UBFD1: variants seen among roughly 807,000 people sequenced by gnomAD.
UBFD1 encodes the protein ubiquitin family domain containing 1, also known as ubiquitin domain-containing protein UBFD1.
A neutral mutation model predicts 35.1 loss-of-function variants in UBFD1; 12 were observed. The ratio of observed to expected loss-of-function variants is 0.34; its 90% CI spans 0.22 to 0.55. UBFD1 has a LOEUF of 0.55. Ranked by LOEUF, UBFD1 falls within the 20% of genes least tolerant of loss-of-function variation. UBFD1 has a pLI of 0.89. For missense variants in UBFD1, 337 were observed against 410.8 expected, an observed-to-expected ratio of 0.82 and a Z score of 1.55; for synonymous variants, 178 against 167.6, an observed-to-expected ratio of 1.06 and a Z score of -0.48.
rs1031727976 is a variant in UBFD1, at chr16:23,557,775, C to T, written c.25+8C>T. On this transcript the variant is annotated splice_region_variant and intron_variant, in intron 1 of 6. Coordinates refer to ENST00000395878, the MANE Select transcript of UBFD1 (RefSeq NM_019116.3). ...CGGCCGGGGCCCCGGATGGTGAGTG[C>T]GGCGGGGGTGGCGGGCGCCGGGCCG... The T allele has an allele frequency of 3.1e-6, 4 of 1,282,426 alleles. No homozygotes were observed. Among genetic ancestry groups the T allele is most frequent in the South Asian group, 3.2e-5 (1 of 31,004 alleles). 79.4% of individuals were successfully genotyped at this position (1,282,426 alleles called of 1,614,324 possible).
At position 23,571,977 on chromosome 16, in the gene UBFD1, T is replaced by C. The variant is rs1270400227; in HGVS notation, c.*1387T>C. The C allele has an allele frequency of 6.5e-6, 1 of 152,674 alleles. No homozygotes were observed. Among genetic ancestry groups the C allele is most frequent in the Non-Finnish European group, 1.5e-5 (1 of 68,048 alleles). 9.5% of individuals were successfully genotyped at this position (152,674 alleles called of 1,614,324 possible). On this transcript the variant is annotated 3_prime_UTR_variant, in exon 7 of 7. Transcript: ENST00000395878. Reference sequence around the variant, plus strand: ...TCCTCTCACTGGTTGCAGGCTTTCATAGTAAGGTTTGGCGAGAAATGTTCC... The same window carrying C: ...TCCTCTCACTGGTTGCAGGCTTTCACAGTAAGGTTTGGCGAGAAATGTTCC...
chr16:23,560,709 T>C (rs1307688290), intron 3 of UBFD1, among the ~76,000 whole-genome samples: 1 of 152,198 alleles, frequency 6.6e-6, no homozygotes, highest in Non-Finnish European at 1.5e-5. Context: ...AAGATTGTTA[T>C]GTATTTGAAA....
intron 5 of UBFD1, chr16:23,565,863 G>A (rs1597042538): frequency 1.7e-5 from 1 of 58,202 alleles, no homozygotes; most frequent in Admixed American, 2.0e-4. Flanking sequence ...CCCTCCCCCT[G>A]CGCCCCCGTC....
In UBFD1 at chr16:23,559,698, T is replaced by G. The variant is rs765841182; in HGVS notation, c.564+22T>G. 6.8e-6 allele frequency: 11 copies of G among 1,613,934 alleles called. No homozygotes were observed. In the South Asian group the frequency reaches 1.2e-4, roughly 18 times the overall value. Reference sequence around the variant, plus strand: ...GAAAGTGAGTCCATCTTGTGCTTCTTGGTCTTGAGAAATTTGAGGCTTTGT... The same window carrying G: ...GAAAGTGAGTCCATCTTGTGCTTCTGGGTCTTGAGAAATTTGAGGCTTTGT... On this transcript the variant is annotated intron_variant, in intron 3 of 6. Transcript: ENST00000395878.
intron 6 of UBFD1, 67 bp downstream of exon 6, chr16:23,567,136 T>C (rs1412752307): frequency 6.9e-7 from 1 of 1,450,346 alleles, no homozygotes; most frequent in Non-Finnish European, 9.6e-7. Flanking sequence ...GGGAACAGTT[T>C]TAACTGAGCT....
At chr16:23,559,254 C>G (rs7198910) in intron 2 of UBFD1, 25,699 of 474,106 alleles carry the variant, frequency 0.054, 1,371 homozygotes, top group African/African-American at 0.19. Flanking sequence ...TCTCTTAATC[C>G]TTGAAACAGG....
At chr16:23,560,957 G>T (rs902155409) in intron 3 of UBFD1, among the ~76,000 whole-genome samples, 1 of 152,144 alleles carries the variant, frequency 6.6e-6, no homozygotes, top group Non-Finnish European at 1.5e-5. Flanking sequence ...GGTCGCAATG[G>T]TCACACCCTT....
intron 3 of UBFD1, 85 bp from the exon 4 acceptor site, chr16:23,562,121 C>A: frequency 7.8e-7 from 1 of 1,289,916 alleles, no homozygotes; most frequent in Non-Finnish European, 1.1e-6. Context: ...AACACTAAGG[C>A]TTTCTTCATC....
At chr16:23,565,946 C>A (rs152458) in intron 5 of UBFD1, 9,172 of 151,530 alleles carry the variant, frequency 0.061, 363 homozygotes, top group East Asian at 0.17. Flanking sequence ...TGACCTCACC[C>A]AGTCCCGCTT....
At position 23,558,139 on chromosome 16, in the gene UBFD1, G is replaced by A. The variant is rs1965852223; in HGVS notation, c.215G>A (p.Ser72Asn). Reference sequence around the variant, plus strand: ...GACCCCGCAGCCCAGGCCTCGGTCAGCAACGGCGAAGACGCGGGCGGCGGC... The same window carrying A: ...GACCCCGCAGCCCAGGCCTCGGTCAACAACGGCGAAGACGCGGGCGGCGGC... Reference protein sequence around the residue: ...PGDPAAQASVSNGEDAGGGAG... With the variant: ...PGDPAAQASVNNGEDAGGGAG... The change falls in exon 2 of 7, where the codon AGC (serine) becomes AAC (asparagine). Residue 72 changes from serine to asparagine, a missense_variant. By Grantham distance (46) the Ser-to-Asn change is conservative. Coordinates refer to ENST00000395878, the MANE Select transcript of UBFD1 (RefSeq NM_019116.3). 2 of 1,604,238 alleles carry A rather than the reference G, an allele frequency of 1.2e-6. No homozygotes were observed. Among genetic ancestry groups the A allele is most frequent in the South Asian group, 2.2e-5 (2 of 89,780 alleles).
Position 23,559,596 on chromosome 16 carries a change from G to A in UBFD1, c.484G>A (p.Ala162Thr). 6.2e-7 allele frequency: 1 copy of A among 1,614,224 alleles called. No homozygotes were observed. The highest frequency in any genetic ancestry group is 1.6e-4 in the Middle Eastern group (1 of 6,062). ...TGGCTCCACCATCAATGATGTTTTAGCAGTAAACACACCCAAAGATGCTGC... is the reference window on the plus strand; with the variant it reads ...TGGCTCCACCATCAATGATGTTTTAACAGTAAACACACCCAAAGATGCTGC... ...VVGSTINDVL[A>T]VNTPKDAAQQ... The change falls in exon 3 of 7, where the codon GCA becomes ACA. Residue 162 changes from alanine (A) to threonine (T), a missense_variant. Physicochemically the swap from Ala to Thr is moderately conservative, Grantham distance 58. Around this residue, in one of 4 missense-constraint regions of UBFD1, gnomAD observed 44 missense variants for 39.2 expected, o/e 1.12. Coordinates refer to ENST00000395878, the MANE Select transcript of UBFD1 (RefSeq NM_019116.3).
At position 23,559,966 on chromosome 16, in the gene UBFD1, C is replaced by T. The variant is rs528109771; in HGVS notation, c.564+290C>T. 4 of 1,207,858 alleles carry T rather than the reference C, an allele frequency of 3.3e-6. No homozygotes were observed. In the African/African-American group the frequency reaches 6.1e-5, roughly 18 times the overall value. 74.8% of individuals were successfully genotyped at this position (1,207,858 alleles called of 1,614,324 possible). ...AGGAATCAGACGTGGGTTTCTCTCT[C>T]TTATTTAGTGCCAGAGAAAACTACC... On this transcript the variant is annotated intron_variant, in intron 3 of 6. Transcript: ENST00000395878.
chr16:23,570,458 G>C (rs749151109), intron 6 of UBFD1, 22 bp from the exon 7 acceptor site: 1 of 1,595,992 alleles, frequency 6.3e-7, no homozygotes, highest in South Asian at 1.1e-5. Flanking sequence ...AGTACCGCTT[G>C]GTTTTCCTTT....
chr16:23,564,780 G>A (rs1965986906), intron 5 of UBFD1: 1 of 152,228 alleles, frequency 6.6e-6, no homozygotes, highest in African/African-American at 2.4e-5. Flanking sequence ...TCAGGAAGTT[G>A]TATAGGGAAC....
chr16:23,560,515 A>G (rs1303065896), intron 3 of UBFD1, among the ~76,000 whole-genome samples: 1 of 152,208 alleles, frequency 6.6e-6, no homozygotes, highest in Non-Finnish European at 1.5e-5. Flanking sequence ...ACTAAGATAT[A>G]TGACCAACAG....
In UBFD1 at chr16:23,557,736, A is replaced by C. The variant is rs1361351131; in HGVS notation, c.-7A>C. On this transcript the variant is annotated 5_prime_UTR_variant, in exon 1 of 7. Coordinates refer to ENST00000395878, the MANE Select transcript of UBFD1 (RefSeq NM_019116.3). ...TGCGGGAGCGGTGGGTGTTGTACAC[A>C]ATCATCATGGCGGCGGCCGGGGCCC... 1 of 1,334,616 alleles carries C rather than the reference A, an allele frequency of 7.5e-7. No individual in the cohort carries two copies. Among genetic ancestry groups the C allele is most frequent in the Non-Finnish European group, 9.6e-7 (1 of 1,041,424 alleles). The allele number at this position is 1,334,616 out of a possible 1,614,324, so 82.7% of individuals were successfully genotyped here.
intron 6 of UBFD1, chr16:23,568,568 C>G (rs1966042288): frequency 6.6e-6 from 1 of 151,650 alleles, no homozygotes; most frequent in African/African-American, 2.4e-5. Context: ...TGCCTGTAAT[C>G]CCAGCACTTT....
chr16:23,563,077 GA>G (rs1965961173), intron 5 of UBFD1, among the ~76,000 whole-genome samples: 1 of 148,142 alleles, frequency 6.8e-6, no homozygotes, highest in African/African-American at 2.6e-5. Flanking sequence ...TCACTAATCT[GA>G]TTTTTTTTTT....
intron 6 of UBFD1, among the ~76,000 whole-genome samples, chr16:23,568,440 G>A (rs1444190509): frequency 6.6e-6 from 1 of 151,794 alleles, no homozygotes; most frequent in African/African-American, 2.4e-5. Flanking sequence ...TTACAGGCGT[G>A]AGCCTCCATG....
Sources: allele counts gnomAD v4.1 joint callset (sites outside exome capture counted in the v4.1 genomes callset), GRCh38; gene constraint gnomAD v4.1.1; regional missense constraint gnomAD v4.1.1; transcripts MANE v1.5; gene names NCBI Gene and HGNC (gene_info 2026-07-23, HGNC 2026-07-21).